Variants in IQCM observed in about 807,000 individuals in gnomAD.
IQCM encodes IQ motif containing M, also known as IQ domain-containing protein M.
In IQCM, 45 loss-of-function variants were observed where a neutral mutation model predicts 57.6. That is an observed-to-expected ratio of 0.78 (90% CI 0.62 to 1.00). The LOEUF is 1.00. Ranked by LOEUF, IQCM falls within the 50% of genes least tolerant of loss-of-function variation. IQCM has a pLI of 0.00. For missense variants in IQCM, 468 were observed against 511.6 expected, an observed-to-expected ratio of 0.91 and a Z score of 0.82; for synonymous variants, 148 against 158.9, an observed-to-expected ratio of 0.93 and a Z score of 0.51.
intron 13 of IQCM, among the ~76,000 whole-genome samples, chr4:149,352,912 G>A (rs143088681): frequency 1.1e-3 from 165 of 152,062 alleles, no homozygotes; most frequent in Middle Eastern, 3.4e-3. Flanking sequence ...TGCTGTTTAG[G>A]TCCTATAGTT....
At chr4:149,579,520 T>A (rs1038258179) in intron 9 of IQCM, among the ~76,000 whole-genome samples, 1 of 151,892 alleles carries the variant, frequency 6.6e-6, no homozygotes, top group African/African-American at 2.4e-5. Flanking sequence ...GACATTCTGA[T>A]GCCTCGTGAC....
chr4:149,585,561 T>C (rs1164506310), intron 9 of IQCM, among the ~76,000 whole-genome samples: 2 of 151,680 alleles, frequency 1.3e-5, no homozygotes, highest in African/African-American at 2.4e-5. Context: ...TATTTTCACA[T>C]TCAATTTCAC....
At chr4:149,534,743 C>T (rs10520024) in intron 12 of IQCM, among the ~76,000 whole-genome samples, 3,183 of 152,080 alleles carry the variant, frequency 0.021, 112 homozygotes, top group African/African-American at 0.072. Context: ...ATAACTACAC[C>T]GCTGTATTCC....
chr4:149,632,957 C>T (rs1757400076), intron 7 of IQCM, among the ~76,000 whole-genome samples: 1 of 150,656 alleles, frequency 6.6e-6, no homozygotes, highest in African/African-American at 2.4e-5. Flanking sequence ...GTCAGGAGAT[C>T]GAGACCATCC....
chr4:149,715,279 T>C (rs534411976), intron 5 of IQCM, among the ~76,000 whole-genome samples: 263 of 152,258 alleles, frequency 1.7e-3, no homozygotes, highest in African/African-American at 5.2e-3. Flanking sequence ...GGTGCATGAA[T>C]TAGCGAGCAC....
At chr4:149,803,598 G>A (rs114246364) in intron 2 of IQCM, among the ~76,000 whole-genome samples, 3,349 of 151,912 alleles carry the variant, frequency 0.022, 64 homozygotes, top group South Asian at 0.036. Flanking sequence ...TGTGCTTTTC[G>A]CCTTCTAGAA....
At position 149,815,304 on chromosome 4, in the gene IQCM, C is replaced by A. The variant is rs766059721; in HGVS notation, c.-49+7G>T. 7 of 151,910 alleles carry A rather than the reference C, an allele frequency of 4.6e-5. No homozygotes were observed. The highest frequency in any genetic ancestry group is 1.0e-4 in the Non-Finnish European group (7 of 67,886). 9.4% of individuals were successfully genotyped at this position (151,910 alleles called of 1,614,324 possible). A position where few individuals can be genotyped will look rare whatever the true frequency, so the allele number is the denominator to read the frequency against. On this transcript the variant is annotated splice_region_variant and intron_variant, in intron 2 of 13. Coordinates refer to ENST00000636793, the MANE Select transcript of IQCM (RefSeq NM_001363507.2). The stretch of plus-strand genomic sequence containing the variant: ...TACAGACAACGTGGTATATTAGTAA[C>A]TTCTACCTTAAAGTTTTTCATTCCA...
At chr4:149,500,563 G>A (rs917928818) in intron 12 of IQCM, among the ~76,000 whole-genome samples, 1 of 152,058 alleles carries the variant, frequency 6.6e-6, no homozygotes, top group Non-Finnish European at 1.5e-5. Flanking sequence ...ACTTGAAAAG[G>A]TACCAAAAGA....
chr4:149,626,705 C>T (rs996569979), intron 7 of IQCM, among the ~76,000 whole-genome samples: 2 of 151,774 alleles, frequency 1.3e-5, no homozygotes, highest in African/African-American at 4.8e-5. Flanking sequence ...GTGAGGCAGC[C>T]CCTTTACAAC....
rs184924397 is a variant in IQCM, at chr4:149,702,789, A to G, written c.386-16321T>C. ...TAGGAAGAGGGAATTTATACTTACA[A>G]TTTTGGCTATCTGAAAGATTACAAC... On this transcript the variant is annotated intron_variant, in intron 5 of 13. Coordinates refer to ENST00000636793, the MANE Select transcript of IQCM (RefSeq NM_001363507.2). 9.9e-5 allele frequency among the ~76,000 whole-genome samples: 15 copies of G among 152,084 alleles called. No homozygotes were observed. The East Asian group carries it at 2.7e-3, about 27-fold the overall frequency.
At chr4:149,365,729 T>A (rs1578806477) in intron 13 of IQCM, among the ~76,000 whole-genome samples, 2 of 151,654 alleles carry the variant, frequency 1.3e-5, no homozygotes, top group Non-Finnish European at 2.9e-5. Flanking sequence ...AATCTAAGCT[T>A]AAAAAAAATC....
intron 8 of IQCM, among the ~76,000 whole-genome samples, chr4:149,614,718 G>C (rs567236438): frequency 6.6e-6 from 1 of 152,224 alleles, no homozygotes; most frequent in East Asian, 1.9e-4. Flanking sequence ...AACGATAGCT[G>C]GTAAGCTAAA....
intron 2 of IQCM, among the ~76,000 whole-genome samples, chr4:149,791,707 G>A (rs1331840388): frequency 6.6e-6 from 1 of 152,100 alleles, no homozygotes; most frequent in Non-Finnish European, 1.5e-5. Context: ...TTGTGCATAA[G>A]TAACATAACC....
At chr4:149,559,529 T>C (rs1242347465) in intron 10 of IQCM, among the ~76,000 whole-genome samples, 1 of 152,152 alleles carries the variant, frequency 6.6e-6, no homozygotes, top group Non-Finnish European at 1.5e-5. Flanking sequence ...TCTTATCCAA[T>C]TGCCACATCA....
chr4:149,742,517 A>C (rs1008594664), intron 3 of IQCM, 138 bp downstream of exon 3: 7 of 471,682 alleles, frequency 1.5e-5, no homozygotes, highest in Non-Finnish European at 2.0e-5. Flanking sequence ...TTATTTTTAA[A>C]TAAAGGGAAT....
intron 12 of IQCM, among the ~76,000 whole-genome samples, chr4:149,509,210 G>A (rs1744150339): frequency 1.3e-5 from 2 of 152,164 alleles, no homozygotes; most frequent in Admixed American, 1.3e-4. Flanking sequence ...CTAGGGGTAT[G>A]GGAGGCAATT....
chr4:149,368,693 A>T (rs1730015134), intron 13 of IQCM, among the ~76,000 whole-genome samples: 1 of 147,876 alleles, frequency 6.8e-6, no homozygotes, highest in South Asian at 2.1e-4. Context: ...ATTGGAAAAT[A>T]CAGGGTAATA....
At chr4:149,724,003 T>C (rs943828859) in intron 5 of IQCM, among the ~76,000 whole-genome samples, 1 of 151,984 alleles carries the variant, frequency 6.6e-6, no homozygotes, top group Non-Finnish European at 1.5e-5. Flanking sequence ...GATTTCTATT[T>C]CTTCTTGATT....
intron 6 of IQCM, among the ~76,000 whole-genome samples, chr4:149,685,519 G>C (rs937557997): frequency 6.6e-6 from 1 of 151,402 alleles, no homozygotes; most frequent in African/African-American, 2.4e-5. Flanking sequence ...AGCCAAGAAA[G>C]TGGTTACCCT....
Sources: allele counts gnomAD v4.1 joint callset (sites outside exome capture counted in the v4.1 genomes callset), GRCh38; gene constraint gnomAD v4.1.1; transcripts MANE v1.5; gene names NCBI Gene and HGNC (gene_info 2026-07-23, HGNC 2026-07-21).